USP46: variants seen among roughly 807,000 people sequenced by gnomAD.
USP46 encodes the protein ubiquitin specific peptidase 46, also known as ubiquitin carboxyl-terminal hydrolase 46.
Under a neutral mutation model 44.4 loss-of-function variants are expected in USP46, and 12 were observed. The observed-to-expected ratio is 0.27, with a 90% CI of 0.17 to 0.44. The LOEUF (loss-of-function observed/expected upper bound fraction) is 0.44, where lower values mean the gene tolerates loss of function less well. Among genes scored for constraint, USP46 ranks in the 20% least tolerant of loss-of-function variants. The pLI is 1.00. For synonymous variants in USP46, 155 were observed against 161.5 expected (o/e 0.96, Z 0.31); for missense variants, 248 against 444.8 (o/e 0.56, Z 3.98).
chr4:52,618,201 T>C (rs966349021), intron 4 of USP46, among the ~76,000 whole-genome samples: 8 of 149,742 alleles, frequency 5.3e-5, no homozygotes, highest in Non-Finnish European at 8.9e-5. Context: ...CTGGGCAACA[T>C]AGTGAGGCCC....
At chr4:52,624,941 A>T (rs372228709) in intron 4 of USP46, among the ~76,000 whole-genome samples, 2 of 152,344 alleles carry the variant, frequency 1.3e-5, no homozygotes, top group Admixed American at 6.5e-5. Flanking sequence ...ACTGTGAGAA[A>T]TGAATTTCTG....
intron 1 of USP46, among the ~76,000 whole-genome samples, chr4:52,632,730 C>A (rs922668444): frequency 1.3e-5 from 2 of 150,738 alleles, no homozygotes. Context: ...GTGGAAGGAG[C>A]CTGGGGAGGT....
intron 1 of USP46, among the ~76,000 whole-genome samples, chr4:52,653,554 C>T (rs1718847344): frequency 6.9e-6 from 1 of 145,198 alleles, no homozygotes. Context: ...GGCCTTTTCT[C>T]TTAAAGACCA....
chr4:52,658,362 A>G (rs1483414567), intron 1 of USP46: 1 of 442,708 alleles, frequency 2.3e-6, no homozygotes, highest in East Asian at 7.0e-5. Flanking sequence ...ATCAGAACCC[A>G]GTGATGTCCC....
intron 5 of USP46, among the ~76,000 whole-genome samples, chr4:52,608,134 A>G (rs937218505): frequency 1.3e-5 from 2 of 152,234 alleles, no homozygotes; most frequent in South Asian, 4.1e-4. Flanking sequence ...AACAAATCTA[A>G]TAAGAAATGC....
chr4:52,602,062 A>G lies in USP46; in HGVS notation c.723-8T>C. 1 of 1,607,180 alleles carries G rather than the reference A, an allele frequency of 6.2e-7. No individual in the cohort carries two copies. On this transcript the variant is annotated splice_polypyrimidine_tract_variant and splice_region_variant and intron_variant, in intron 6 of 8. Transcript: ENST00000441222. ...AGCTTTTTTACCCTCATCCTAAGAA[A>G]CCAAGAAATAGAAAATCAGTTGTAC...
rs1719079806 is a variant in USP46, at chr4:52,659,219, C to G, written c.-69G>C. 1 of 1,424,982 alleles carries G rather than the reference C, an allele frequency of 7.0e-7. No homozygotes were observed. The highest frequency in any genetic ancestry group is 9.3e-7 in the Non-Finnish European group (1 of 1,076,896). 88.3% of individuals were successfully genotyped at this position (1,424,982 alleles called of 1,614,324 possible). A position where few individuals can be genotyped will look rare whatever the true frequency, so the allele number is the denominator to read the frequency against. ...GGGAAACCGGGACTGCCCATGGTGG[C>G]GCGCTGGCGGGGAGGCCGGGCGGCA... is the stretch of plus-strand genomic sequence containing the variant. On this transcript the variant is annotated 5_prime_UTR_variant, in exon 1 of 9. Transcript: ENST00000441222. This position sits in a 1 kb window ranked among gnomAD's most constrained non-coding sequence, Gnocchi z 4.2.
At chr4:52,656,839 G>C (rs1207963756) in intron 1 of USP46, among the ~76,000 whole-genome samples, 1 of 151,592 alleles carries the variant, frequency 6.6e-6, no homozygotes, top group Non-Finnish European at 1.5e-5. Flanking sequence ...CAGGTATTAG[G>C]GACCAGCCTG....
In USP46 at chr4:52,599,118, G is replaced by A. The variant is rs549096236; in HGVS notation, c.921-412C>T. Among the ~76,000 whole-genome samples the A allele has an allele frequency of 7.2e-5, 11 of 152,312 alleles. No homozygotes were observed. In the East Asian group the frequency reaches 2.1e-3, roughly 29 times the overall value. On this transcript the variant is annotated intron_variant, in intron 7 of 8. Transcript: ENST00000441222. The stretch of plus-strand genomic sequence containing the variant: ...AACTTATAAATGTATGTCAAGTGGT[G>A]AGAAGTGTCATGGAGAAGGATGAAG...
At chr4:52,621,663 TA>T (rs577502883) in intron 4 of USP46, among the ~76,000 whole-genome samples, 118 of 138,890 alleles carry the variant, frequency 8.5e-4, no homozygotes, top group South Asian at 9.0e-4. Context: ...CTCACACACA[TA>T]AAAAAAAAAA....
chr4:52,650,224 A>G (rs890340845), intron 1 of USP46, among the ~76,000 whole-genome samples: 1 of 152,256 alleles, frequency 6.6e-6, no homozygotes, highest in African/African-American at 2.4e-5. Flanking sequence ...AAGAGAATGA[A>G]TAAGTAAACC....
intron 1 of USP46, among the ~76,000 whole-genome samples, chr4:52,645,224 CAAAAAA>C (rs74266163): frequency 1.0e-4 from 8 of 79,816 alleles, no homozygotes; most frequent in Non-Finnish European, 1.9e-4. Flanking sequence ...GACTCTATCT[CAAAAAA>C]AAAAAAAAAA....
In USP46 at chr4:52,594,459, G is replaced by T. The variant is rs1255971267; in HGVS notation, c.*3181C>A. 2 of 152,106 alleles carry T rather than the reference G, an allele frequency of 1.3e-5. No individual in the cohort carries two copies. Among genetic ancestry groups the T allele is most frequent in the East Asian group, 3.9e-4 (2 of 5,192 alleles). 9.4% of individuals were successfully genotyped at this position (152,106 alleles called of 1,614,324 possible). Reference sequence around the variant, plus strand: ...AGAAATTTAATTAGGCAGAAAAGTAGGAAATAATTTTCCCTGACCCATGCC... The same window carrying T: ...AGAAATTTAATTAGGCAGAAAAGTATGAAATAATTTTCCCTGACCCATGCC... On this transcript the variant is annotated 3_prime_UTR_variant, in exon 9 of 9. Coordinates refer to ENST00000441222, the MANE Select transcript of USP46 (RefSeq NM_022832.4).
intron 4 of USP46, among the ~76,000 whole-genome samples, chr4:52,619,502 G>A (rs528515698): frequency 1.3e-4 from 20 of 152,280 alleles, no homozygotes; most frequent in African/African-American, 4.6e-4. Context: ...AATTCTGACT[G>A]AAGCACCATC....
intron 4 of USP46, among the ~76,000 whole-genome samples, chr4:52,611,326 T>C (rs1716926083): frequency 6.6e-6 from 1 of 152,216 alleles, no homozygotes; most frequent in Non-Finnish European, 1.5e-5. Flanking sequence ...AACAGCTCAC[T>C]CCACACTAAT....
At position 52,632,071 on chromosome 4, in the gene USP46, G is replaced by A. The variant is rs1380254898; in HGVS notation, c.37-927C>T. ...AAGGGAAGGGGAAGAAGGGGAAAGA[G>A]AGGTAAGTGAGGTAAGTACTACTAC... On this transcript the variant is annotated intron_variant, in intron 1 of 8. Transcript: ENST00000441222. Among the ~76,000 whole-genome samples the A allele has an allele frequency of 3.9e-5, 6 of 152,014 alleles. No homozygotes were observed. The East Asian group carries it at 5.8e-4, about 15-fold the overall frequency.
chr4:52,637,326 T>A (rs549459857), intron 1 of USP46, among the ~76,000 whole-genome samples: 7 of 152,298 alleles, frequency 4.6e-5, no homozygotes, highest in African/African-American at 1.4e-4. Context: ...TTCAATCAGC[T>A]GCTACATGCC....
intron 4 of USP46, among the ~76,000 whole-genome samples, chr4:52,622,026 T>G (rs1717396693): frequency 1.3e-5 from 2 of 152,234 alleles, no homozygotes; most frequent in Admixed American, 1.3e-4. Context: ...GTATGTGATT[T>G]CATCTATATA....
At chr4:52,601,375 A>C (rs1716464193) in intron 7 of USP46, among the ~76,000 whole-genome samples, 1 of 152,206 alleles carries the variant, frequency 6.6e-6, no homozygotes, top group Non-Finnish European at 1.5e-5. Flanking sequence ...TACTTATTAC[A>C]GAATGTTGGG....
Sources: allele counts gnomAD v4.1 joint callset (sites outside exome capture counted in the v4.1 genomes callset), GRCh38; gene constraint gnomAD v4.1.1; non-coding constraint Gnocchi (gnomAD v3.1); transcripts MANE v1.5; gene names NCBI Gene and HGNC (gene_info 2026-07-23, HGNC 2026-07-21).